The following TCIRG1 variants were observed in gnomAD, a reference collection of about 807,000 sequenced individuals.
TCIRG1 encodes V-type proton ATPase 116 kDa subunit a 3.
Under a neutral mutation model 95.5 loss-of-function variants are expected in TCIRG1, and 86 were observed. The observed-to-expected ratio is 0.90, with a 90% CI of 0.76 to 1.08. TCIRG1 has a LOEUF of 1.08. Ranked by LOEUF, TCIRG1 falls within the 50% of genes least tolerant of loss-of-function variation. TCIRG1 has a pLI of 0.00. For missense variants in TCIRG1, 1,069 were observed against 1,140.2 expected, an observed-to-expected ratio of 0.94 and a Z score of 0.90; for synonymous variants, 499 against 501.3, an observed-to-expected ratio of 1.00 and a Z score of 0.06.
Position 68,050,572 on chromosome 11 carries a change from C to T in TCIRG1, c.2322C>T (p.Val774=), listed in dbSNP as rs1375561345. ...TGGGCGTGGCGGCTGTGGTGCTGGT[C>T]CCCATCTTTGCCGCCTTTGCCGTGA... The part of the protein sequence containing the change: ...REVGVAAVVL[V]PIFAAFAVMT... The change falls in exon 19 of 20, where the codon GTC becomes GTT. Residue 774 remains valine (V), a synonymous_variant. Transcript: ENST00000265686. 3 of 1,613,604 alleles carry T rather than the reference C, an allele frequency of 1.9e-6. No individual in the cohort carries two copies. The highest frequency in any genetic ancestry group is 2.5e-6 in the Non-Finnish European group (3 of 1,180,020).
At position 68,042,849 on chromosome 11, in the gene TCIRG1, G is replaced by A. The variant is rs1357428039; in HGVS notation, c.403G>A (p.Gly135Ser). Residue 135 changes from glycine (G) to serine (S), a missense_variant, in exon 4 of 20, where the codon GGC (glycine) becomes AGC (serine). Transcript: ENST00000265686. ...GCTCCACGCCGCCGTGCTACGCCAG[G>A]GCCATGAACCTCAGGTCAGCTCCCA... ...LQLHAAVLRQGHEPQLAAAHT... is the reference protein window; with the variant it reads ...LQLHAAVLRQSHEPQLAAAHT... The A allele has an allele frequency of 1.3e-6, 2 of 1,549,462 alleles. No individual in the cohort carries two copies. The highest frequency in any genetic ancestry group is 1.7e-6 in the Non-Finnish European group (2 of 1,146,408).
rs767714758 is a variant in TCIRG1, at chr11:68,049,771, A to C, written c.1996A>C (p.Arg666=). 8 of 1,573,014 alleles carry C rather than the reference A, an allele frequency of 5.1e-6. No individual in the cohort carries two copies. The East Asian group carries it at 1.4e-4, about 27-fold the overall frequency. Residue 666 remains arginine (R), a synonymous_variant, in exon 16 of 20, where the codon AGG becomes CGG. Coordinates refer to ENST00000265686, the MANE Select transcript of TCIRG1 (RefSeq NM_006019.4). ...LHRHRRRLRR[R]PADRQEENKA... ...CCGCCACCGCCGCCGCCTGCGGAGG[A>C]GGCCCGCTGACCGACAGGTGGGACC...
downstream of TCIRG1, chr11:68,052,405 T>G (rs1050791238): frequency 6.6e-6 from 1 of 152,234 alleles, no homozygotes; most frequent in African/African-American, 2.4e-5. Flanking sequence ...AGGCGAGGGC[T>G]GAGTGAGGCC....
intron 1 of TCIRG1, among the ~76,000 whole-genome samples, chr11:68,039,497 C>T (rs1211938324): frequency 2.6e-4 from 39 of 152,238 alleles, no homozygotes; most frequent in Admixed American, 2.4e-3. Flanking sequence ...ATGGAGGGGG[C>T]GCCAGACCCT....
chr11:68,039,771 C>G (rs1473854295), intron 1 of TCIRG1: 1 of 152,316 alleles, frequency 6.6e-6, no homozygotes, highest in African/African-American at 2.4e-5. Context: ...GTCCCCACAC[C>G]TTTCCCCCCG....
chr11:68,052,610 T>C (rs1157162181), downstream of TCIRG1, among the ~76,000 whole-genome samples: 3 of 152,176 alleles, frequency 2.0e-5, no homozygotes, highest in African/African-American at 7.2e-5. Flanking sequence ...GCTCCCAGTC[T>C]CCAACGTCCT....
At chr11:68,045,218 A>T in intron 10 of TCIRG1, 116 bp downstream of exon 10, 2 of 1,255,932 alleles carry the variant, frequency 1.6e-6, no homozygotes, top group Non-Finnish European at 2.3e-6. Context: ...TCCTGGGATG[A>T]GGGGCACACA....
intron 13 of TCIRG1, chr11:68,048,392 C>G (rs763797066): frequency 3.1e-4 from 105 of 340,596 alleles, no homozygotes; most frequent in Non-Finnish European, 4.9e-4. Context: ...CTCCCGGGTT[C>G]AAGCGATTCC....
chr11:68,045,184 C>G, intron 10 of TCIRG1, 82 bp downstream of exon 10: 1 of 1,559,360 alleles, frequency 6.4e-7, no homozygotes, highest in Non-Finnish European at 8.7e-7. Context: ...GGGGAGGTAT[C>G]TCCATCCTGG....
chr11:68,041,682 C>T lies in TCIRG1; in HGVS notation c.118-71C>T. ...CAGCTAAGGCCTGGGGAGAGTCAGG[C>T]CTGGGCTCTAGGGTGAGGAGCTCCC... is the stretch of plus-strand genomic sequence containing the variant. On this transcript the variant is annotated intron_variant, in intron 2 of 19. Transcript: ENST00000265686. The T allele has an allele frequency of 3.0e-6, 4 of 1,321,410 alleles. No individual in the cohort carries two copies. In the South Asian group the frequency reaches 5.0e-5, roughly 16 times the overall value. The allele number at this position is 1,321,410 out of a possible 1,614,324, so 81.9% of individuals were successfully genotyped here.
rs374953343 is a variant in TCIRG1 at position 68,044,988 on chromosome 11, C to A, written c.1051C>A (p.Arg351Ser). 2 of 1,608,712 alleles carry A rather than the reference C, an allele frequency of 1.2e-6. No individual in the cohort carries two copies. The highest frequency in any genetic ancestry group is 1.7e-6 in the Non-Finnish European group (2 of 1,179,990). ...MEEGVSAVAHRIPCRDMPPTL... is the reference protein window; with the variant it reads ...MEEGVSAVAHSIPCRDMPPTL... ...GGAGGGAGTGAGTGCCGTGGCTCACCGCATCCCCTGCCGGGACATGCCCCC... is the reference window on the plus strand; with the variant it reads ...GGAGGGAGTGAGTGCCGTGGCTCACAGCATCCCCTGCCGGGACATGCCCCC... Residue 351 changes from arginine to serine, a missense_variant, in exon 10 of 20, where the codon CGC (arginine) becomes AGC (serine). Physicochemically the swap from Arg to Ser is moderately radical, Grantham distance 110. Coordinates refer to ENST00000265686, the MANE Select transcript of TCIRG1 (RefSeq NM_006019.4).
In TCIRG1 at chr11:68,050,139, C is replaced by T. The variant is rs370572421; in HGVS notation, c.2121C>T (p.Leu707=). ...GGLDDEEEAE[L]VPSEVLMHQA... Reference sequence around the variant, plus strand: ...CCCTCACTGCACCCGCCCCGCAGCTCGTCCCCTCCGAGGTGCTCATGCACC... The same window carrying T: ...CCCTCACTGCACCCGCCCCGCAGCTTGTCCCCTCCGAGGTGCTCATGCACC... Residue 707 remains leucine (L), a splice_region_variant and synonymous_variant, in exon 18 of 20, where the codon CTC becomes CTT. Transcript: ENST00000265686. 85 of 1,613,002 alleles carry T rather than the reference C, an allele frequency of 5.3e-5. No homozygotes were observed. Among genetic ancestry groups the T allele is most frequent in the East Asian group, 6.7e-5 (3 of 44,886 alleles).
chr11:68,049,783 C>G lies in TCIRG1; in HGVS notation c.2008C>G (p.Arg670Gly). The change falls in exon 16 of 20, where the codon CGA becomes GGA. Residue 670 changes from arginine to glycine, a missense_variant. Physicochemically the swap from Arg to Gly is moderately radical, Grantham distance 125. Coordinates refer to ENST00000265686, the MANE Select transcript of TCIRG1 (RefSeq NM_006019.4). ...CCGCCTGCGGAGGAGGCCCGCTGACCGACAGGTGGGACCGGGGCCTAAGGT... is the reference window on the plus strand; with the variant it reads ...CCGCCTGCGGAGGAGGCCCGCTGACGGACAGGTGGGACCGGGGCCTAAGGT... Reference protein sequence around the residue: ...RRRLRRRPADRQEENKAGLLD... With the variant: ...RRRLRRRPADGQEENKAGLLD... 20 of 1,570,478 alleles carry G rather than the reference C, an allele frequency of 1.3e-5. No homozygotes were observed. The highest frequency in any genetic ancestry group is 1.7e-5 in the Non-Finnish European group (20 of 1,165,284).
chr11:68,046,013 G>A (rs1263258279), intron 10 of TCIRG1, among the ~76,000 whole-genome samples: 3 of 152,342 alleles, frequency 2.0e-5, no homozygotes, highest in Middle Eastern at 3.4e-3. Flanking sequence ...GGCCCCAACA[G>A]GATTCCCCTG....
chr11:68,044,137 C>T lies in TCIRG1; in HGVS notation c.813C>T (p.Leu271=), dbSNP rs377108710. ...QQQSQELQEV[L]GETERFLSQV... ...GACTGCCCACTCTGGCGCAGGTCCT[C>T]GGGGAGACAGAGCGGTTCCTGAGCC... Residue 271 remains leucine (L), a synonymous_variant, in exon 9 of 20, where the codon CTC becomes CTT. Coordinates refer to ENST00000265686, the MANE Select transcript of TCIRG1 (RefSeq NM_006019.4). 1.9e-4 allele frequency: 295 copies of T among 1,548,710 alleles called. No homozygotes were observed. In the African/African-American group the frequency reaches 3.5e-3, roughly 18 times the overall value.
rs1337046769 is a variant in TCIRG1 at position 68,044,267 on chromosome 11, C to A, written c.943C>A (p.His315Asn). The A allele has an allele frequency of 6.2e-7, 1 of 1,604,668 alleles. No individual in the cohort carries two copies. Residue 315 changes from histidine to asparagine, a missense_variant, in exon 9 of 20, where the codon CAC becomes AAC. Physicochemically the swap from His to Asn is moderately conservative, Grantham distance 68 (BLOSUM62 1). Transcript: ENST00000265686. ...ALNQCSVSTTHKCLIAEAWCS... is the reference protein window; with the variant it reads ...ALNQCSVSTTNKCLIAEAWCS... Reference sequence around the variant, plus strand: ...GAACCAGTGCAGCGTGAGCACCACGCACAAGTGCCTCATTGCCGAGGCCTG... The same window carrying A: ...GAACCAGTGCAGCGTGAGCACCACGAACAAGTGCCTCATTGCCGAGGCCTG...
At chr11:68,044,104 C>T (rs1855338600) in intron 8 of TCIRG1, 28 bp from the exon 9 acceptor site, 10 of 1,538,586 alleles carry the variant, frequency 6.5e-6, no homozygotes, top group Non-Finnish European at 6.1e-6. Flanking sequence ...GCCTGCCCAG[C>T]CCCCGCTGAC....
At chr11:68,045,998 A>G (rs1855464444) in intron 10 of TCIRG1, among the ~76,000 whole-genome samples, 1 of 152,146 alleles carries the variant, frequency 6.6e-6, no homozygotes, top group Non-Finnish European at 1.5e-5. Context: ...CTGGGGCTGG[A>G]TCTGGGCCCC....
chr11:68,041,467 C>G (rs1479414693), intron 2 of TCIRG1, 79 bp downstream of exon 2: 8 of 1,095,530 alleles, frequency 7.3e-6, no homozygotes, highest in Non-Finnish European at 6.8e-6. Context: ...GGGACTGCCC[C>G]CCCTCCGCCA....
Sources: gnomAD v4.1 joint callset for allele counts (sites outside exome capture counted in the v4.1 genomes callset) on GRCh38, gnomAD v4.1.1 for gene constraint, MANE v1.5 for transcripts, NCBI Gene and HGNC (gene_info 2026-07-23, HGNC 2026-07-21) for gene names.